The following IL20RA variants were observed in gnomAD, a reference collection of about 807,000 sequenced individuals.
The protein encoded by IL20RA is interleukin-20 receptor subunit alpha.
Under a neutral mutation model 36.5 loss-of-function variants are expected in IL20RA, and 29 were observed. The ratio of observed to expected loss-of-function variants is 0.79; its 90% CI spans 0.59 to 1.08. The LOEUF is 1.08. Among genes scored for constraint, IL20RA ranks in the 50% least tolerant of loss-of-function variants. The probability of loss-of-function intolerance (pLI) is 0.00; values close to 1 mark genes in which losing one functional copy is unlikely to be tolerated. For missense variants in IL20RA, 652 were observed against 668.4 expected (o/e 0.98, Z 0.27); for synonymous variants, 279 against 267.1 (o/e 1.04, Z -0.43).
chr6:137,021,813 G>T (rs1292535896), intron 1 of IL20RA, among the ~76,000 whole-genome samples: 1 of 41,920 alleles, frequency 2.4e-5, no homozygotes, highest in Non-Finnish European at 3.1e-4. Flanking sequence ...AATAAAAATA[G>T]TCGCTAATAC....
At chr6:137,020,628 ACTTACTAT>A (rs1198598414) in intron 1 of IL20RA, among the ~76,000 whole-genome samples, 1 of 152,188 alleles carries the variant, frequency 6.6e-6, no homozygotes, top group Admixed American at 6.5e-5. Context: ...AAGACCAGAA[ACTTACTAT>A]CTTTTTAATA....
intron 1 of IL20RA, among the ~76,000 whole-genome samples, chr6:137,039,898 T>C (rs754282686): frequency 6.6e-6 from 1 of 151,948 alleles, no homozygotes; most frequent in Non-Finnish European, 1.5e-5. Context: ...ATACAAGCAG[T>C]TTAACAAATG....
At chr6:137,008,573 A>G (rs1424921130) in intron 5 of IL20RA, 26 bp downstream of exon 5, 7 of 1,572,502 alleles carry the variant, frequency 4.5e-6, no homozygotes, top group Admixed American at 1.8e-5. Flanking sequence ...TCCTTCCTAG[A>G]CCAGCAAAGA....
At chr6:137,013,508 C>A (rs1159224333) in intron 2 of IL20RA, among the ~76,000 whole-genome samples, 1 of 152,130 alleles carries the variant, frequency 6.6e-6, no homozygotes, top group Admixed American at 6.5e-5. Context: ...TTATTTTCAT[C>A]CCATTTTACA....
At chr6:137,012,562 C>A (rs930733185) in intron 2 of IL20RA, among the ~76,000 whole-genome samples, 1 of 152,042 alleles carries the variant, frequency 6.6e-6, no homozygotes, top group African/African-American at 2.4e-5. Context: ...TCAGGAGAGA[C>A]ATGTGTGTGG....
chr6:137,005,253 T>C (rs567561257), intron 5 of IL20RA, among the ~76,000 whole-genome samples: 5 of 152,208 alleles, frequency 3.3e-5, no homozygotes, highest in African/African-American at 1.2e-4. Flanking sequence ...GCCACTTTTA[T>C]ATGAGTAGCA....
At chr6:137,039,300 T>C (rs1776596342) in intron 1 of IL20RA, among the ~76,000 whole-genome samples, 1 of 152,212 alleles carries the variant, frequency 6.6e-6, no homozygotes, top group Non-Finnish European at 1.5e-5. Context: ...GAGATACCTG[T>C]AGCCATAAGC....
intron 1 of IL20RA, among the ~76,000 whole-genome samples, chr6:137,042,212 C>T (rs1776721445): frequency 1.3e-4 from 1 of 7,782 alleles, no homozygotes; most frequent in Non-Finnish European, 1.7e-3. Flanking sequence ...AACACTTTGG[C>T]TTGTCTGGGA....
intron 1 of IL20RA, among the ~76,000 whole-genome samples, chr6:137,032,633 A>C (rs116008150): frequency 6.6e-6 from 1 of 152,218 alleles, no homozygotes; most frequent in Non-Finnish European, 1.5e-5. Flanking sequence ...AATAATGAAT[A>C]GTATTTACTT....
In IL20RA at chr6:137,044,943, C is replaced by T. The variant is rs999113123; in HGVS notation, c.-215G>A. The stretch of plus-strand genomic sequence containing the variant: ...GCGACTCGCGGAGCCCCCACGCGCG[C>T]TCCCCCGGCTACCCAGCTGGATGGC... On this transcript the variant is annotated 5_prime_UTR_variant, in exon 1 of 7. Coordinates refer to ENST00000316649, the MANE Select transcript of IL20RA (RefSeq NM_014432.4). 7.0e-5 allele frequency: 25 copies of T among 354,842 alleles called. No homozygotes were observed. Among genetic ancestry groups the T allele is most frequent in the Admixed American group, 2.0e-4 (4 of 20,450 alleles). The allele number at this position is 354,842 out of a possible 1,614,324, so 22.0% of individuals were successfully genotyped here.
rs930569481 is a variant in IL20RA, at chr6:137,004,701, T to C, written c.784A>G (p.Thr262Ala). The change falls in exon 6 of 7, where the codon ACC (threonine) becomes GCC (alanine). Residue 262 changes from threonine to alanine, a missense_variant. Coordinates refer to ENST00000316649, the MANE Select transcript of IL20RA (RefSeq NM_014432.4). ...IFWYVLPVSI[T>A]VFLFSVMGYS... ...CCCATCACAGAAAAAAGAAACACGG[T>C]AATAGATACGGGCAAAACATACCAG... The C allele has an allele frequency of 3.1e-6, 5 of 1,610,866 alleles. No homozygotes were observed. The highest frequency in any genetic ancestry group is 1.3e-5 in the African/African-American group (1 of 74,302).
At chr6:137,017,358 T>C (rs1775736690) in intron 1 of IL20RA, among the ~76,000 whole-genome samples, 1 of 152,114 alleles carries the variant, frequency 6.6e-6, no homozygotes, top group Admixed American at 6.6e-5. Flanking sequence ...TGTTGAGAGA[T>C]TGCACGAAGA....
chr6:137,031,713 C>G (rs763402934), intron 1 of IL20RA, among the ~76,000 whole-genome samples: 5 of 151,880 alleles, frequency 3.3e-5, no homozygotes, highest in African/African-American at 1.2e-4. Flanking sequence ...CTATGTCCTT[C>G]GTATAATCCT....
Position 137,009,393 on chromosome 6 carries a change from A to G in IL20RA, c.503T>C (p.Leu168Pro), listed in dbSNP as rs545881372. ...PEKWKRNPED[L>P]PVSMQQIYSN... is the part of the protein sequence containing the mutation. ...GTATATTTGTTGCATGGAAACAGGA[A>G]GGTCTTCTGGATTTCTCTTCCACTT... The change falls in exon 4 of 7, where the codon CTT (leucine) becomes CCT (proline). Residue 168 changes from leucine to proline, a missense_variant. By Grantham distance (98) the Leu-to-Pro change is moderately conservative. Coordinates refer to ENST00000316649, the MANE Select transcript of IL20RA (RefSeq NM_014432.4). 7 of 1,612,942 alleles carry G rather than the reference A, an allele frequency of 4.3e-6. No homozygotes were observed. The highest frequency in any genetic ancestry group is 5.9e-6 in the Non-Finnish European group (7 of 1,178,942).
In IL20RA at chr6:137,044,764, A is replaced by C; in HGVS notation, c.-36T>G. On this transcript the variant is annotated 5_prime_UTR_variant, in exon 1 of 7. Coordinates refer to ENST00000316649, the MANE Select transcript of IL20RA (RefSeq NM_014432.4). ...GCTGGGTCACATGTCGGGGGGCAGC[A>C]GACTGCTCAGTCCCACGCCCGCTGG... 2.5e-6 allele frequency: 3 copies of C among 1,210,172 alleles called. No individual in the cohort carries two copies. The highest frequency in any genetic ancestry group is 3.1e-6 in the Non-Finnish European group (3 of 974,156). The allele number at this position is 1,210,172 out of a possible 1,614,324, so 75.0% of individuals were successfully genotyped here. A position where few individuals can be genotyped will look rare whatever the true frequency, so the allele number is the denominator to read the frequency against.
chr6:137,020,034 G>A (rs1398822643), intron 1 of IL20RA, among the ~76,000 whole-genome samples: 1 of 152,198 alleles, frequency 6.6e-6, no homozygotes, highest in African/African-American at 2.4e-5. Flanking sequence ...CATGACAAAA[G>A]ACACTTCTGA....
At chr6:137,009,583 T>C in intron 3 of IL20RA, 91 bp from the exon 4 acceptor site, 4 of 559,792 alleles carry the variant, frequency 7.1e-6, no homozygotes, top group Non-Finnish European at 9.4e-6. Flanking sequence ...ATCAAGGCCC[T>C]AAAAGACATC....
At chr6:137,039,018 C>T (rs757905269) in intron 1 of IL20RA, among the ~76,000 whole-genome samples, 4 of 152,162 alleles carry the variant, frequency 2.6e-5, no homozygotes, top group Non-Finnish European at 5.9e-5. Context: ...ATCCCACTTG[C>T]CTATTGTCTT....
chr6:137,034,626 T>C (rs1776411740), intron 1 of IL20RA, among the ~76,000 whole-genome samples: 1 of 152,082 alleles, frequency 6.6e-6, no homozygotes, highest in South Asian at 2.1e-4. Flanking sequence ...GTGTTCTCAT[T>C]GTTCAGCTCC....
Sources: allele counts gnomAD v4.1 joint callset (sites outside exome capture counted in the v4.1 genomes callset), GRCh38; gene constraint gnomAD v4.1.1; transcripts MANE v1.5; gene names NCBI Gene and HGNC (gene_info 2026-07-23, HGNC 2026-07-21).